POU6F2: variants seen among roughly 807,000 people sequenced by gnomAD.
The protein encoded by POU6F2 is POU class 6 homeobox 2, also known as POU domain, class 6, transcription factor 2.
A neutral mutation model predicts 71.3 loss-of-function variants in POU6F2; 31 were observed. The ratio of observed to expected loss-of-function variants is 0.43; its 90% CI spans 0.33 to 0.59. The LOEUF (loss-of-function observed/expected upper bound fraction) is 0.59. Ranked by LOEUF, POU6F2 falls within the 20% of genes least tolerant of loss-of-function variation. The probability of loss-of-function intolerance (pLI) is 0.04; values close to 1 mark genes in which losing one functional copy is unlikely to be tolerated. For missense variants in POU6F2, 783 were observed against 856.8 expected, an observed-to-expected ratio of 0.91 and a Z score of 1.07; for synonymous variants, 347 against 355.7, an observed-to-expected ratio of 0.98 and a Z score of 0.27.
In POU6F2 at chr7:38,990,002, C is replaced by A. The variant is rs557577102; in HGVS notation, c.105+11944C>A. Among the ~76,000 whole-genome samples, 7 of 152,168 alleles carry A rather than the reference C, an allele frequency of 4.6e-5. No individual in the cohort carries two copies. The East Asian group carries it at 1.2e-3, about 25-fold the overall frequency. On this transcript the variant is annotated intron_variant, in intron 1 of 9. Transcript: ENST00000518318. ...TGTCAATCATCTATCATCTGTATATCTATCATCTTTTAACTGATTAAGATT... is the reference window on the plus strand; with the variant it reads ...TGTCAATCATCTATCATCTGTATATATATCATCTTTTAACTGATTAAGATT...
intron 2 of POU6F2, among the ~76,000 whole-genome samples, chr7:39,143,254 G>A (rs1419318540): frequency 6.6e-6 from 1 of 152,170 alleles, no homozygotes; most frequent in Non-Finnish European, 1.5e-5. Flanking sequence ...CTGATAAAAC[G>A]AAATGATTAC....
chr7:39,382,249 C>T (rs960316668), intron 5 of POU6F2, among the ~76,000 whole-genome samples: 7 of 152,072 alleles, frequency 4.6e-5, no homozygotes, highest in Non-Finnish European at 1.0e-4. Flanking sequence ...CACCTGAGAC[C>T]CTGCCTATCA....
At chr7:39,214,114 G>A (rs1439091168) in intron 4 of POU6F2, among the ~76,000 whole-genome samples, 1 of 152,130 alleles carries the variant, frequency 6.6e-6, no homozygotes, top group East Asian at 1.9e-4. Flanking sequence ...AGTTCCCTGT[G>A]CCAAAGTTTT....
intron 4 of POU6F2, among the ~76,000 whole-genome samples, chr7:39,299,905 T>C (rs1784922567): frequency 6.6e-6 from 1 of 152,206 alleles, no homozygotes; most frequent in East Asian, 1.9e-4. Context: ...CCATGCTTTT[T>C]GCTGCCAAAC....
chr7:39,069,847 A>G (rs1790838738), intron 1 of POU6F2, among the ~76,000 whole-genome samples: 1 of 152,202 alleles, frequency 6.6e-6, no homozygotes, highest in African/African-American at 2.4e-5. Context: ...GGAAGGGTAG[A>G]AGCCAGTTTT....
intron 1 of POU6F2, among the ~76,000 whole-genome samples, chr7:38,980,706 C>CTT (rs1048621757): frequency 6.7e-6 from 1 of 148,998 alleles, no homozygotes; most frequent in Non-Finnish European, 1.5e-5. Flanking sequence ...TTATTTTTGT[C>CTT]TTTTTTTTTT....
At position 39,461,579 on chromosome 7, in the gene POU6F2, G is replaced by A. The variant is rs187712747; in HGVS notation, c.1658+864G>A. On this transcript the variant is annotated intron_variant, in intron 9 of 9. Coordinates refer to ENST00000518318, the MANE Select transcript of POU6F2 (RefSeq NM_001370959.1). ...TGTTCTTGGTGATCCATGAAATGCT[G>A]TCTTTTTATCTGCTCTTTATACTTT... 3.7e-3 allele frequency among the ~76,000 whole-genome samples: 557 copies of A among 152,296 alleles called. 2 individuals are homozygous for A. Among genetic ancestry groups the A allele is most frequent in the Non-Finnish European group, 3.7e-3 (251 of 68,014 alleles).
chr7:39,081,937 T>C (rs77543657), intron 1 of POU6F2, among the ~76,000 whole-genome samples: 2,052 of 152,306 alleles, frequency 0.013, 41 homozygotes, highest in African/African-American at 0.046. Flanking sequence ...CTTTACCACT[T>C]AGCTGCGTGC....
intron 5 of POU6F2, chr7:39,404,684 A>G (rs778556267): frequency 1.4e-4 from 21 of 152,226 alleles, no homozygotes; most frequent in Non-Finnish European, 2.1e-4. Context: ...CATGAAAGAA[A>G]TGCAAACATG....
intron 4 of POU6F2, among the ~76,000 whole-genome samples, chr7:39,322,778 GA>G: frequency 6.6e-6 from 1 of 152,286 alleles, no homozygotes; most frequent in Admixed American, 6.5e-5. Context: ...ATATTTTCAA[GA>G]AAGGAACACA....
chr7:39,021,673 A>T (rs948096916), intron 1 of POU6F2, among the ~76,000 whole-genome samples: 1 of 151,946 alleles, frequency 6.6e-6, no homozygotes, highest in African/African-American at 2.4e-5. Flanking sequence ...CATTATAGTT[A>T]TGTTGATTCA....
At chr7:39,291,120 G>C (rs2128762121) in intron 4 of POU6F2, among the ~76,000 whole-genome samples, 1 of 151,976 alleles carries the variant, frequency 6.6e-6, no homozygotes, top group South Asian at 2.1e-4. Context: ...TATAAATTTG[G>C]GTTACCTCTT....
At chr7:39,129,624 T>TATAG (rs3999864) in intron 2 of POU6F2, among the ~76,000 whole-genome samples, 12,726 of 149,260 alleles carry the variant, frequency 0.085, 566 homozygotes, top group African/African-American at 0.1. Flanking sequence ...ACAATAGATA[T>TATAG]ATAGATAGAT....
intron 5 of POU6F2, among the ~76,000 whole-genome samples, chr7:39,352,516 G>A (rs1015915163): frequency 8.5e-5 from 13 of 152,182 alleles, no homozygotes; most frequent in Non-Finnish European, 1.8e-4. Flanking sequence ...GAATCAGACT[G>A]TGGTTCTTTT....
intron 1 of POU6F2, among the ~76,000 whole-genome samples, chr7:38,989,758 CAGAG>C (rs1275969144): frequency 1.3e-5 from 2 of 149,956 alleles, no homozygotes; most frequent in Non-Finnish European, 3.0e-5. Flanking sequence ...GAAAGAGAGA[CAGAG>C]AGAGAGTAGT....
chr7:39,450,756 G>T (rs193043332), intron 7 of POU6F2, among the ~76,000 whole-genome samples: 2 of 152,124 alleles, frequency 1.3e-5, no homozygotes, highest in Non-Finnish European at 2.9e-5. Flanking sequence ...CAGCTCCTCC[G>T]CACTTGCTGG....
At chr7:39,251,967 T>G (rs767929247) in intron 4 of POU6F2, among the ~76,000 whole-genome samples, 5 of 152,234 alleles carry the variant, frequency 3.3e-5, no homozygotes, top group African/African-American at 4.8e-5. Context: ...TAGCAGAATC[T>G]TCAGTGGTTC....
chr7:39,121,341 A>T (rs1038491584), intron 2 of POU6F2, among the ~76,000 whole-genome samples: 1 of 152,202 alleles, frequency 6.6e-6, no homozygotes, highest in African/African-American at 2.4e-5. Context: ...CATTTTTCCC[A>T]GCTCACAGTA....
At chr7:39,451,939 C>T (rs1006239229) in intron 8 of POU6F2, among the ~76,000 whole-genome samples, 3 of 152,174 alleles carry the variant, frequency 2.0e-5, no homozygotes, top group Non-Finnish European at 2.9e-5. Flanking sequence ...TATCAAGGAC[C>T]GGGTTCCATC....
Sources: allele counts gnomAD v4.1 joint callset (sites outside exome capture counted in the v4.1 genomes callset), GRCh38; gene constraint gnomAD v4.1.1; transcripts MANE v1.5; gene names NCBI Gene and HGNC (gene_info 2026-07-23, HGNC 2026-07-21).